GRIK1: variants seen among roughly 807,000 people sequenced by gnomAD.
The protein encoded by GRIK1 is glutamate ionotropic receptor kainate type subunit 1.
A neutral mutation model predicts 105.7 loss-of-function variants in GRIK1; 69 were observed. That is an observed-to-expected ratio of 0.65 (90% CI 0.54 to 0.80). The LOEUF (loss-of-function observed/expected upper bound fraction) is 0.80. Among genes scored for constraint, GRIK1 ranks in the 30% least tolerant of loss-of-function variants. GRIK1 has a pLI of 0.00. For synonymous variants in GRIK1, 438 were observed against 431.3 expected (o/e 1.02, Z -0.19); for missense variants, 1,109 against 1,167.3 (o/e 0.95, Z 0.73).
intron 7 of GRIK1, among the ~76,000 whole-genome samples, chr21:29,633,769 T>G (rs950529998): frequency 1.3e-5 from 2 of 152,094 alleles, no homozygotes; most frequent in Non-Finnish European, 2.9e-5. Context: ...GCTGCTGGGA[T>G]TTATGGCTTT....
rs545992073 is a variant in GRIK1 at position 29,718,028 on chromosome 21, C to T, written c.119-23965G>A. Among the ~76,000 whole-genome samples, 196 of 152,244 alleles carry T rather than the reference C, an allele frequency of 1.3e-3. 1 individual carries two copies. Among genetic ancestry groups the T allele is most frequent in the African/African-American group, 4.4e-3 (182 of 41,550 alleles). On this transcript the variant is annotated intron_variant, in intron 1 of 17. Coordinates refer to ENST00000327783, the MANE Select transcript of GRIK1 (RefSeq NM_001330994.2). ...ATGGTTTTATAAGGGACATTTCCCC[C>T]TTTGCTTGGTACTTCTCCTTCCTGC...
rs577378086 is a variant in GRIK1, at chr21:29,785,077, G to T, written c.119-91014C>A. Among the ~76,000 whole-genome samples the T allele has an allele frequency of 2.3e-4, 35 of 152,202 alleles. 1 individual carries two copies. The East Asian group carries it at 6.8e-3, about 29-fold the overall frequency. Reference sequence around the variant, plus strand: ...GTCAATTCATAAACAATTCAGAAATGGTTCCCTCCAATACCTAGTTTTTCT... The same window carrying T: ...GTCAATTCATAAACAATTCAGAAATTGTTCCCTCCAATACCTAGTTTTTCT... On this transcript the variant is annotated intron_variant, in intron 1 of 17. Transcript: ENST00000327783.
At chr21:29,855,506 C>T (rs190528252) in intron 1 of GRIK1, among the ~76,000 whole-genome samples, 1 of 152,316 alleles carries the variant, frequency 6.6e-6, no homozygotes, top group East Asian at 1.9e-4. Context: ...AGCCCAGCAT[C>T]TTAGACCAAG....
At chr21:29,633,691 T>C (rs918705614) in intron 7 of GRIK1, among the ~76,000 whole-genome samples, 37 of 152,082 alleles carry the variant, frequency 2.4e-4, no homozygotes, top group African/African-American at 8.5e-4. Flanking sequence ...TCCAGAGTTG[T>C]ACAGGGAATT....
intron 1 of GRIK1, among the ~76,000 whole-genome samples, chr21:29,808,614 G>A (rs996774810): frequency 6.6e-6 from 1 of 152,158 alleles, no homozygotes; most frequent in Non-Finnish European, 1.5e-5. Flanking sequence ...TCTTTTTGAA[G>A]TTCTAGCAGC....
chr21:29,789,481 C>T (rs146051043), intron 1 of GRIK1, among the ~76,000 whole-genome samples: 13 of 152,272 alleles, frequency 8.5e-5, no homozygotes, highest in Non-Finnish European at 1.3e-4. Flanking sequence ...TTTAACTGTC[C>T]GATCAAGCCA....
chr21:29,597,628 T>A (rs2061440389), intron 8 of GRIK1: 1 of 466,542 alleles, frequency 2.1e-6, no homozygotes, highest in Non-Finnish European at 4.5e-6. Context: ...TATCAGGGCA[T>A]GTCAGACCAA....
intron 1 of GRIK1, among the ~76,000 whole-genome samples, chr21:29,881,957 A>G (rs1269321607): frequency 6.6e-6 from 1 of 152,090 alleles, no homozygotes; most frequent in East Asian, 1.9e-4. Flanking sequence ...CTATGCTCGG[A>G]GGCAGGAATT....
chr21:29,878,365 T>C (rs927736899), intron 1 of GRIK1, among the ~76,000 whole-genome samples: 4 of 152,066 alleles, frequency 2.6e-5, no homozygotes, highest in Non-Finnish European at 4.4e-5. Context: ...GACAAGAATG[T>C]AAAGGAGGTT....
At chr21:29,705,469 A>G (rs1695492625) in intron 1 of GRIK1, among the ~76,000 whole-genome samples, 1 of 152,230 alleles carries the variant, frequency 6.6e-6, no homozygotes, top group South Asian at 2.1e-4. Context: ...TTTTCCTTGT[A>G]ACCGTGACAT....
chr21:29,846,545 C>T (rs78190784), intron 1 of GRIK1, among the ~76,000 whole-genome samples: 1 of 152,208 alleles, frequency 6.6e-6, no homozygotes, highest in African/African-American at 2.4e-5. Context: ...TTTGTCCCGT[C>T]ATTCTGTTGA....
At chr21:29,761,697 C>T (rs1052530916) in intron 1 of GRIK1, among the ~76,000 whole-genome samples, 1 of 150,904 alleles carries the variant, frequency 6.6e-6, no homozygotes, top group Non-Finnish European at 1.5e-5. Flanking sequence ...TTTCTTTCTT[C>T]TCTTCTTTTC....
intron 4 of GRIK1, among the ~76,000 whole-genome samples, chr21:29,657,108 T>G (rs2062869267): frequency 6.6e-6 from 1 of 152,182 alleles, no homozygotes; most frequent in Non-Finnish European, 1.5e-5. Context: ...AGAAATCCTA[T>G]TTTTCACTTT....
chr21:29,774,129 CTGCAGAGAATTATAATATCCT>C (rs1484794879), intron 1 of GRIK1, among the ~76,000 whole-genome samples: 2 of 152,134 alleles, frequency 1.3e-5, no homozygotes, highest in Admixed American at 6.5e-5. Context: ...ATTTCTTATT[CTGCAGAGAATTATAATATCCT>C]TGCAGAGAAT....
At chr21:29,769,588 T>C (rs986357517) in intron 1 of GRIK1, among the ~76,000 whole-genome samples, 18 of 152,136 alleles carry the variant, frequency 1.2e-4, no homozygotes, top group African/African-American at 4.1e-4. Flanking sequence ...ATGTCCCCGC[T>C]GATCTGACAA....
At chr21:29,830,324 C>A (rs536419420) in intron 1 of GRIK1, among the ~76,000 whole-genome samples, 10,606 of 121,426 alleles carry the variant, frequency 0.087, 510 homozygotes, top group African/African-American at 0.14. Flanking sequence ...CACACACACA[C>A]ACACACACAC....
chr21:29,613,617 C>T (rs2061777106), intron 7 of GRIK1, among the ~76,000 whole-genome samples: 8 of 152,210 alleles, frequency 5.3e-5, no homozygotes, highest in Admixed American at 4.6e-4. Flanking sequence ...TATCCATCCA[C>T]CACCCATATA....
chr21:29,875,235 A>G (rs2069151989), intron 1 of GRIK1, among the ~76,000 whole-genome samples: 1 of 152,048 alleles, frequency 6.6e-6, no homozygotes, highest in African/African-American at 2.4e-5. Context: ...AAACACTCCG[A>G]GTCCCTGGAG....
chr21:29,708,535 C>T (rs545085165), intron 1 of GRIK1, among the ~76,000 whole-genome samples: 13 of 152,306 alleles, frequency 8.5e-5, no homozygotes, highest in Admixed American at 5.2e-4. Context: ...GGAATACATG[C>T]GTGGATTGTA....
Sources: gnomAD v4.1 joint callset for allele counts (sites outside exome capture counted in the v4.1 genomes callset) on GRCh38, gnomAD v4.1.1 for gene constraint, MANE v1.5 for transcripts, NCBI Gene and HGNC (gene_info 2026-07-23, HGNC 2026-07-21) for gene names.